Variants in ABCA13 observed in about 807,000 individuals in gnomAD.
ABCA13 encodes ATP binding cassette subfamily A member 13, also known as ATP-binding cassette sub-family A member 13.
ABCA13 carries 476 observed loss-of-function variants against 478.7 expected under a neutral mutation model. The ratio of observed to expected loss-of-function variants is 0.99; its 90% CI spans 0.92 to 1.07. ABCA13 has a LOEUF of 1.07. Ranked by LOEUF, ABCA13 falls within the 50% of genes least tolerant of loss-of-function variation. The pLI is 0.00. For missense variants in ABCA13, 6,060 were observed against 5,910.6 expected (o/e 1.03, Z -0.83); for synonymous variants, 2,252 against 2,158.9 (o/e 1.04, Z -1.20).
rs527930942 is a variant in ABCA13 at position 48,374,233 on chromosome 7, G to A, written c.11134-114G>A. 1.3e-4 allele frequency: 114 copies of A among 880,540 alleles called. 2 individuals are homozygous for A. Among genetic ancestry groups the A allele is most frequent in the African/African-American group, 1.3e-3 (73 of 57,080 alleles). 54.5% of individuals were successfully genotyped at this position (880,540 alleles called of 1,614,324 possible). On this transcript the variant is annotated intron_variant, in intron 33 of 61. Coordinates refer to ENST00000435803, the MANE Select transcript of ABCA13 (RefSeq NM_152701.5). ...TGACTGCCTGAAGCGATGGTTGGGC[G>A]TCATCAGAATGAAAAGTTGTCATGG...
At position 48,594,799 on chromosome 7, in the gene ABCA13, G is replaced by C. The variant is rs1309423501; in HGVS notation, c.14730G>C (p.Val4910=). The C allele has an allele frequency of 6.2e-7, 1 of 1,613,824 alleles. No homozygotes were observed. Among genetic ancestry groups the C allele is most frequent in the African/African-American group, 1.3e-5 (1 of 75,054 alleles). Residue 4910 remains valine (V), a synonymous_variant, in exon 58 of 62, where the codon GTG becomes GTC. Coordinates refer to ENST00000435803, the MANE Select transcript of ABCA13 (RefSeq NM_152701.5). ...MKEVREGCAA[V]LTSHSMEECE... ...AGGTTCGGGAAGGCTGTGCTGCGGT[G>C]CTGACCTCCCACAGGTGAGTTCCAG... is the stretch of plus-strand genomic sequence containing the variant.
chr7:48,391,253 G>A (rs1487484388), intron 37 of ABCA13, among the ~76,000 whole-genome samples: 1 of 152,108 alleles, frequency 6.6e-6, no homozygotes, highest in Non-Finnish European at 1.5e-5. Flanking sequence ...AGGTATATAT[G>A]TCATTTCTTT....
intron 34 of ABCA13, 26 bp from the exon 35 acceptor site, chr7:48,376,415 A>T: frequency 6.2e-7 from 1 of 1,610,916 alleles, no homozygotes; most frequent in Non-Finnish European, 8.5e-7. Context: ...GTGCAGTTCT[A>T]ACTCTGACCT....
chr7:48,285,009 G>A (rs1763842291), intron 19 of ABCA13, among the ~76,000 whole-genome samples: 1 of 152,190 alleles, frequency 6.6e-6, no homozygotes, highest in South Asian at 2.1e-4. Flanking sequence ...GGAGGAAAGT[G>A]ACAACTTTCC....
In ABCA13 at chr7:48,273,128, G is replaced by T. The variant is rs753201129; in HGVS notation, c.3462G>T (p.Trp1154Cys). The T allele has an allele frequency of 6.2e-7, 1 of 1,613,624 alleles. No homozygotes were observed. Among genetic ancestry groups the T allele is most frequent in the Admixed American group, 1.7e-5 (1 of 59,980 alleles). Residue 1154 changes from tryptophan to cysteine, a missense_variant, in exon 17 of 62, where the codon TGG (tryptophan) becomes TGT (cysteine). Physicochemically the swap from Trp to Cys is radical, Grantham distance 215. Transcript: ENST00000435803. ...IHCTVSWLQMWTEIWETISQL... is the reference protein window; with the variant it reads ...IHCTVSWLQMCTEIWETISQL... ...GTACCGTTTCATGGCTTCAAATGTG[G>T]ACTGAAATCTGGGAAACCATATCTC...
chr7:48,353,622 A>G (rs1282426057), intron 31 of ABCA13, among the ~76,000 whole-genome samples: 1 of 151,570 alleles, frequency 6.6e-6, no homozygotes, highest in African/African-American at 2.4e-5. Flanking sequence ...CACACACGTG[A>G]GGATAGGTGA....
At chr7:48,213,357 T>A (rs1007771841) in intron 3 of ABCA13, among the ~76,000 whole-genome samples, 7 of 152,250 alleles carry the variant, frequency 4.6e-5, no homozygotes, top group African/African-American at 1.7e-4. Context: ...ATAAAAGTTA[T>A]GTTTACACTA....
At position 48,410,587 on chromosome 7, in the gene ABCA13, C is replaced by T. The variant is rs749822006; in HGVS notation, c.12138C>T (p.Val4046=). 3.5e-5 allele frequency: 56 copies of T among 1,613,936 alleles called. No homozygotes were observed. The highest frequency in any genetic ancestry group is 4.7e-5 in the Non-Finnish European group (55 of 1,179,894). The change falls in exon 40 of 62, where the codon GTC becomes GTT. Residue 4046 remains valine, a synonymous_variant. Coordinates refer to ENST00000435803, the MANE Select transcript of ABCA13 (RefSeq NM_152701.5). ...EAEALSDRVA[V]LQHGRLRCCG... ...AAGCGCTGAGTGACCGCGTGGCCGT[C>T]CTCCAGCATGGGAGGCTCAGGTGCT...
chr7:48,404,172 A>T (rs1476984212), intron 39 of ABCA13: 1 of 361,066 alleles, frequency 2.8e-6, no homozygotes, highest in East Asian at 7.3e-5. Context: ...TTCTGGAAGC[A>T]TAGTTTCTTA....
chr7:48,247,478 G>A (rs750669961), intron 13 of ABCA13, among the ~76,000 whole-genome samples: 4 of 152,044 alleles, frequency 2.6e-5, no homozygotes, highest in Non-Finnish European at 5.9e-5. Flanking sequence ...CCTACGATAC[G>A]TATCACTAAC....
chr7:48,375,014 G>T (rs1400502643), intron 34 of ABCA13, among the ~76,000 whole-genome samples: 1 of 152,188 alleles, frequency 6.6e-6, no homozygotes, highest in Non-Finnish European at 1.5e-5. Context: ...AGAATTTAAT[G>T]CCTGATGATC....
intron 55 of ABCA13, among the ~76,000 whole-genome samples, chr7:48,571,695 A>G (rs911081082): frequency 1.3e-5 from 2 of 152,118 alleles, no homozygotes; most frequent in Non-Finnish European, 2.9e-5. Flanking sequence ...ATTATTTTGT[A>G]TATATTATAC....
chr7:48,450,972 C>CTTTTTTTTTTTTTTTTTTTTTTTTT (rs11423408), intron 42 of ABCA13, among the ~76,000 whole-genome samples: 3 of 139,686 alleles, frequency 2.1e-5, no homozygotes, highest in Non-Finnish European at 3.1e-5. Context: ...TTATTATATT[C>CTTTTTTTTTTTTTTTTTTTTTTTTT]TTTTTTTTTT....
At chr7:48,243,970 G>T (rs139753813) in intron 10 of ABCA13, among the ~76,000 whole-genome samples, 1 of 152,128 alleles carries the variant, frequency 6.6e-6, no homozygotes, top group Non-Finnish European at 1.5e-5. Flanking sequence ...TCCCTCTCCC[G>T]TATTTATTCC....
At chr7:48,419,916 A>G (rs1466759875) in intron 41 of ABCA13, among the ~76,000 whole-genome samples, 1 of 152,186 alleles carries the variant, frequency 6.6e-6, no homozygotes, top group Non-Finnish European at 1.5e-5. Flanking sequence ...GTATATTTAG[A>G]GCCGTTTGAG....
In ABCA13 at chr7:48,290,889, A is replaced by C. The variant is rs78076097; in HGVS notation, c.8955+2811A>C. Among the ~76,000 whole-genome samples, 436 of 138,054 alleles carry C rather than the reference A, an allele frequency of 3.2e-3. 3 individuals carry two copies. Among genetic ancestry groups the C allele is most frequent in the African/African-American group, 0.011 (414 of 37,412 alleles). 90.6% of individuals were successfully genotyped at this position (138,054 alleles called of 152,430 possible). A position where few individuals can be genotyped will look rare whatever the true frequency, so the allele number is the denominator to read the frequency against. On this transcript the variant is annotated intron_variant, in intron 20 of 61. Coordinates refer to ENST00000435803, the MANE Select transcript of ABCA13 (RefSeq NM_152701.5). Reference sequence around the variant, plus strand: ...TGGAGCAAGGAGAATACCGAGCCTGAAATGCCTGGGTGAGAGAATTGGAGA... The same window carrying C: ...TGGAGCAAGGAGAATACCGAGCCTGCAATGCCTGGGTGAGAGAATTGGAGA...
chr7:48,183,805 A>C (rs747438871), intron 1 of ABCA13, among the ~76,000 whole-genome samples: 2 of 152,160 alleles, frequency 1.3e-5, no homozygotes, highest in Non-Finnish European at 2.9e-5. Context: ...CTATTCTCCC[A>C]TTGACGGGGT....
chr7:48,590,845 G>GT (rs1789656266), intron 57 of ABCA13, among the ~76,000 whole-genome samples: 1 of 151,896 alleles, frequency 6.6e-6, no homozygotes, highest in African/African-American at 2.4e-5. Flanking sequence ...TTGCTATTTA[G>GT]TTTTACGACT....
intron 48 of ABCA13, among the ~76,000 whole-genome samples, chr7:48,499,323 C>T (rs753808533): frequency 1.3e-4 from 20 of 152,130 alleles, no homozygotes; most frequent in African/African-American, 2.7e-4. Context: ...ATTAAAACAA[C>T]GTAAACTTTC....
Sources: allele counts gnomAD v4.1 joint callset (sites outside exome capture counted in the v4.1 genomes callset), GRCh38; gene constraint gnomAD v4.1.1; transcripts MANE v1.5; gene names NCBI Gene and HGNC (gene_info 2026-07-23, HGNC 2026-07-21).